Variants in UGT1A3 observed in about 807,000 individuals in gnomAD.
UGT1A3 encodes the protein UDP-glucuronosyltransferase 1A3.
Under a neutral mutation model 41.0 loss-of-function variants are expected in UGT1A3, and 31 were observed. That is an observed-to-expected ratio of 0.76 (90% CI 0.57 to 1.02). The LOEUF (loss-of-function observed/expected upper bound fraction) is 1.02. Ranked by LOEUF, UGT1A3 falls within the 50% of genes least tolerant of loss-of-function variation. The pLI is 0.00. For missense variants in UGT1A3, 737 were observed against 671.0 expected, an observed-to-expected ratio of 1.10 and a Z score of -1.09; for synonymous variants, 262 against 257.6, an observed-to-expected ratio of 1.02 and a Z score of -0.17.
rs1375578843 is a variant in UGT1A3, at chr2:233,769,338, C to A, written c.1307+899C>A. Among the ~76,000 whole-genome samples the A allele has an allele frequency of 6.6e-6, 1 of 152,184 alleles. No individual in the cohort carries two copies. Among genetic ancestry groups the A allele is most frequent in the East Asian group, 1.9e-4 (1 of 5,204 alleles). On this transcript the variant is annotated intron_variant, in intron 4 of 4. Transcript: ENST00000482026. The surrounding 1 kb of genome is among the most constrained non-coding windows in gnomAD (Gnocchi z 4.4). ...CTCACTGGTAATAGGCTTATTAGAA[C>A]CTTATGGGAAGAAGTGGTGGCCAGT...
chr2:233,770,320 A>G (rs1342178288), intron 4 of UGT1A3: 1 of 152,182 alleles, frequency 6.6e-6, no homozygotes, highest in African/African-American at 2.4e-5. Flanking sequence ...TATGCTGACA[A>G]CCAGGCCATA....
At position 233,754,818 on chromosome 2, in the gene UGT1A3, T is replaced by C. The variant is rs536023413; in HGVS notation, c.868-12216T>C. The stretch of plus-strand genomic sequence containing the variant: ...TGTATCAAAAGAAGAAAAACCACCC[T>C]CAAAAGCTGGAAATTCACTGAAGGC... On this transcript the variant is annotated intron_variant, in intron 1 of 4. Transcript: ENST00000482026. 419 of 1,332,122 alleles carry C rather than the reference T, an allele frequency of 3.1e-4. 1 individual carries two copies. The highest frequency in any genetic ancestry group is 3.7e-4 in the Non-Finnish European group (370 of 994,872). The allele number at this position is 1,332,122 out of a possible 1,614,324, so 82.5% of individuals were successfully genotyped here.
intron 1 of UGT1A3, chr2:233,747,202 T>G: frequency 5.0e-6 from 8 of 1,604,908 alleles, no homozygotes; most frequent in South Asian, 1.1e-5. Context: ...GCTGTCCGTG[T>G]CTTCTGCTGA....
At chr2:233,761,015 C>A (rs568151745) in intron 1 of UGT1A3, 1 of 1,614,218 alleles carries the variant, frequency 6.2e-7, no homozygotes, top group Admixed American at 1.7e-5. Flanking sequence ...AGAGAGGTGA[C>A]TGTCCAGGAC....
chr2:233,766,442 C>CT (rs982093013), intron 1 of UGT1A3, among the ~76,000 whole-genome samples: 2 of 152,206 alleles, frequency 1.3e-5, no homozygotes, highest in African/African-American at 4.8e-5. Flanking sequence ...ACCTGTGTGT[C>CT]TGCCTGCTAG....
intron 1 of UGT1A3, among the ~76,000 whole-genome samples, chr2:233,745,372 T>A (rs1423074391): frequency 1.3e-5 from 2 of 151,860 alleles, no homozygotes; most frequent in Non-Finnish European, 2.9e-5. Flanking sequence ...AGATCTGAGT[T>A]CTCTTCACCT....
intron 1 of UGT1A3, among the ~76,000 whole-genome samples, chr2:233,730,808 C>A (rs2078077498): frequency 6.6e-6 from 1 of 152,092 alleles, no homozygotes; most frequent in Non-Finnish European, 1.5e-5. Flanking sequence ...GGACATGCGT[C>A]CAAGAAGGGA....
intron 4 of UGT1A3, chr2:233,770,377 G>C (rs1211488828): frequency 6.6e-6 from 1 of 152,200 alleles, no homozygotes; most frequent in African/African-American, 2.4e-5. Flanking sequence ...GTTCTGGCCA[G>C]GTACGGTGGC....
intron 1 of UGT1A3, among the ~76,000 whole-genome samples, chr2:233,762,430 C>G (rs796065862): frequency 1.7e-4 from 26 of 152,296 alleles, no homozygotes; most frequent in African/African-American, 6.3e-4. Context: ...AATAGAGTAA[C>G]AGTGTATTCC....
At chr2:233,749,106 G>A (rs2125896769) in intron 1 of UGT1A3, among the ~76,000 whole-genome samples, 1 of 151,816 alleles carries the variant, frequency 6.6e-6, no homozygotes, top group Admixed American at 6.5e-5. Context: ...AGAGAATTCA[G>A]CCTTTTTATG....
intron 1 of UGT1A3, 112 bp from the exon 2 acceptor site, chr2:233,766,922 G>C (rs955173337): frequency 6.4e-7 from 1 of 1,559,654 alleles, no homozygotes; most frequent in Non-Finnish European, 8.6e-7. Flanking sequence ...TCTCAAACAC[G>C]CATGCCTTTA....
chr2:233,743,655 C>G (rs367682058), intron 1 of UGT1A3: 8 of 1,367,176 alleles, frequency 5.9e-6, no homozygotes, highest in Non-Finnish European at 7.8e-6. Flanking sequence ...AAGACGTACT[C>G]GAAGGGGTCC....
At position 233,772,698 on chromosome 2, in the gene UGT1A3, A is replaced by C; in HGVS notation, c.*139A>C. Reference sequence around the variant, plus strand: ...AATTAATCAGCCCCAGAGTGCTTTAAAAAATTCTCTTAAATAAAAATAATA... The same window carrying C: ...AATTAATCAGCCCCAGAGTGCTTTACAAAATTCTCTTAAATAAAAATAATA... On this transcript the variant is annotated 3_prime_UTR_variant, in exon 5 of 5. Coordinates refer to ENST00000482026, the MANE Select transcript of UGT1A3 (RefSeq NM_019093.4). 6.7e-7 allele frequency: 1 copy of C among 1,482,372 alleles called. No homozygotes were observed. The highest frequency in any genetic ancestry group is 1.4e-5 in the African/African-American group (1 of 70,578). The allele number at this position is 1,482,372 out of a possible 1,614,324, so 91.8% of individuals were successfully genotyped here. A position where few individuals can be genotyped will look rare whatever the true frequency, so the allele number is the denominator to read the frequency against.
intron 1 of UGT1A3, chr2:233,747,248 T>G: frequency 3.1e-6 from 5 of 1,601,666 alleles, no homozygotes; most frequent in Non-Finnish European, 4.3e-6. Context: ...CTGCTGTGGC[T>G]GGCCACAGGA....
intron 1 of UGT1A3, chr2:233,740,623 G>C (rs1691436478): frequency 6.6e-6 from 1 of 151,816 alleles, no homozygotes; most frequent in Non-Finnish European, 1.5e-5. Context: ...GGGGCTCACA[G>C]GGTCATGCCT....
At chr2:233,738,294 G>T (rs1255445696) in intron 1 of UGT1A3, among the ~76,000 whole-genome samples, 4 of 152,100 alleles carry the variant, frequency 2.6e-5, no homozygotes, top group Non-Finnish European at 4.4e-5. Flanking sequence ...CCCAGTCTTG[G>T]GTATGTCTTT....
In UGT1A3 at chr2:233,768,239, C is replaced by A. The variant is rs1699593098; in HGVS notation, c.1107C>A (p.Ala369=). Residue 369 remains alanine (A), a synonymous_variant, in exon 4 of 5, where the codon GCC becomes GCA. Coordinates refer to ENST00000482026, the MANE Select transcript of UGT1A3 (RefSeq NM_019093.4). ...NDLLGHPMTR[A]FITHAGSHGV... ...TCTCAGGTCACCCGATGACCCGTGC[C>A]TTTATCACCCATGCTGGTTCCCATG... 1 of 1,614,058 alleles carries A rather than the reference C, an allele frequency of 6.2e-7. No individual in the cohort carries two copies. The highest frequency in any genetic ancestry group is 1.3e-5 in the African/African-American group (1 of 74,904).
intron 1 of UGT1A3, among the ~76,000 whole-genome samples, chr2:233,730,705 A>T (rs2078064782): frequency 6.6e-6 from 1 of 152,130 alleles, no homozygotes; most frequent in South Asian, 2.1e-4. Flanking sequence ...TTCTACTTGG[A>T]ATGCTGAAAT....
At chr2:233,745,519 A>G (rs567771888) in intron 1 of UGT1A3, among the ~76,000 whole-genome samples, 1 of 151,822 alleles carries the variant, frequency 6.6e-6, no homozygotes, top group African/African-American at 2.4e-5. Context: ...ATTAGGTCTA[A>G]TGGGGATGTG....
Sources: gnomAD v4.1 joint callset for allele counts (sites outside exome capture counted in the v4.1 genomes callset) on GRCh38, gnomAD v4.1.1 for gene constraint, Gnocchi (gnomAD v3.1) non-coding constraint, MANE v1.5 for transcripts, NCBI Gene and HGNC (gene_info 2026-07-23, HGNC 2026-07-21) for gene names.